Variants in C12orf76 observed in about 807,000 individuals in gnomAD.
C12orf76 encodes uncharacterized protein C12orf76.
C12orf76 carries 6 observed loss-of-function variants against 6.8 expected under a neutral mutation model. The ratio of observed to expected loss-of-function variants is 0.88; its 90% confidence interval spans 0.48 to 1.73. The LOEUF (loss-of-function observed/expected upper bound fraction) is 1.73. C12orf76 is among the 40% of genes most tolerant of loss of function. The probability of loss-of-function intolerance (pLI) is 0.01; values close to 1 mark genes in which losing one functional copy is unlikely to be tolerated. For synonymous variants in C12orf76, 56 were observed against 43.7 expected, an observed-to-expected ratio of 1.28 and a Z score of -1.11; for missense variants, 99 against 98.2, an observed-to-expected ratio of 1.01 and a Z score of -0.03.
At chr12:110,048,734 A>T, upstream of C12orf76, 1 of 1,120,324 alleles carries the variant, frequency 8.9e-7, no homozygotes, top group African/African-American at 1.6e-5. Context: ...GTCTGTGCCA[A>T]CGTTCGCCGC....
intron 2 of C12orf76, among the ~76,000 whole-genome samples, chr12:110,062,677 T>C (rs1892791901): frequency 6.6e-6 from 1 of 151,136 alleles, no homozygotes; most frequent in African/African-American, 2.4e-5. Flanking sequence ...TGGAGTCTAG[T>C]GGCATAAACA....
At chr12:110,046,249 A>G (rs1039325743) in intron 1 of C12orf76, among the ~76,000 whole-genome samples, 7 of 152,108 alleles carry the variant, frequency 4.6e-5, no homozygotes, top group Admixed American at 3.9e-4. Flanking sequence ...AACATGGTGA[A>G]ACCCCATCTC....
At chr12:110,071,468 T>A (rs1022739987), upstream of C12orf76, among the ~76,000 whole-genome samples, 1 of 152,092 alleles carries the variant, frequency 6.6e-6, no homozygotes, top group Non-Finnish European at 1.5e-5. Context: ...GTTATGGAGC[T>A]CTTATTCTAT....
intron 2 of C12orf76, among the ~76,000 whole-genome samples, chr12:110,063,490 A>G (rs994496429): frequency 8.6e-5 from 13 of 150,452 alleles, no homozygotes; most frequent in Non-Finnish European, 1.8e-4. Context: ...GGGTTTCACC[A>G]TGTTGGTCAG....
upstream of C12orf76, chr12:110,049,049 TA>T (rs2137221561): frequency 6.6e-6 from 1 of 152,410 alleles, no homozygotes; most frequent in Non-Finnish European, 1.5e-5. Context: ...CTTATACATT[TA>T]ACGTACATTT....
upstream of C12orf76, among the ~76,000 whole-genome samples, chr12:110,072,207 G>T (rs968483158): frequency 5.9e-5 from 9 of 151,382 alleles, no homozygotes; most frequent in African/African-American, 1.9e-4. Context: ...TGGGAGGATT[G>T]CATGAGTGCT....
upstream of C12orf76, among the ~76,000 whole-genome samples, chr12:110,068,270 AGAAGAAG>A (rs1406262530): frequency 7.9e-6 from 1 of 125,974 alleles, no homozygotes; most frequent in African/African-American, 3.1e-5. Context: ...AAGAAGAAGA[AGAAGAAG>A]AAGAAGAAGA....
At chr12:110,073,184 G>A (rs561848671) in intron 1 of C12orf76, among the ~76,000 whole-genome samples, 68 of 152,170 alleles carry the variant, frequency 4.5e-4, no homozygotes, top group Non-Finnish European at 6.0e-4. Context: ...CTCCCTGGCG[G>A]GCCTGGAGTA....
intron 3 of C12orf76, chr12:110,058,933 C>T: frequency 6.8e-7 from 1 of 1,474,022 alleles, no homozygotes. Context: ...CTTACTCCCC[C>T]CCACCAAAAA....
At chr12:110,054,178 T>C (rs1453453613), upstream of C12orf76, among the ~76,000 whole-genome samples, 1 of 152,050 alleles carries the variant, frequency 6.6e-6, no homozygotes, top group Non-Finnish European at 1.5e-5. The surrounding 1 kb of genome is among the most constrained non-coding windows in gnomAD (Gnocchi z 4.4). Flanking sequence ...AACCTAACAC[T>C]GAAAAAACAA....
upstream of C12orf76, among the ~76,000 whole-genome samples, chr12:110,070,312 C>A (rs527940272): frequency 6.6e-6 from 1 of 151,754 alleles, no homozygotes; most frequent in Non-Finnish European, 1.5e-5. Flanking sequence ...ACCTATAATC[C>A]CAGCACTTTG....
chr12:110,050,830 A>C, upstream of C12orf76: 82 of 509,446 alleles, frequency 1.6e-4, no homozygotes, highest in Non-Finnish European at 1.1e-4. Context: ...GACTTGCCCT[A>C]ATTCTTTCTT....
chr12:110,061,562 A>T (rs1230580336), intron 2 of C12orf76, among the ~76,000 whole-genome samples: 3 of 144,808 alleles, frequency 2.1e-5, no homozygotes, highest in Non-Finnish European at 4.5e-5. Context: ...CTTGAAACGG[A>T]GTCTTACTCT....
upstream of C12orf76, among the ~76,000 whole-genome samples, chr12:110,068,332 G>GAAGAAGAAGA (rs1566080359): frequency 1.8e-5 from 2 of 108,266 alleles, no homozygotes; most frequent in Non-Finnish European, 4.3e-5. Context: ...GAAGAAGAAG[G>GAAGAAGAAGA]CGGCCAAATA....
chr12:110,043,085 C>CA, intron 1 of C12orf76, among the ~76,000 whole-genome samples: 1 of 150,704 alleles, frequency 6.6e-6, no homozygotes, highest in Non-Finnish European at 1.5e-5. Flanking sequence ...AAAACAACAA[C>CA]AAAAAACTGA....
upstream of C12orf76, among the ~76,000 whole-genome samples, chr12:110,068,208 A>AAAGAAG (rs752882530): frequency 6.6e-6 from 1 of 150,982 alleles, no homozygotes; most frequent in East Asian, 2.0e-4. Context: ...CCGTCTCAAA[A>AAAGAAG]AAGAAGAAGA....
At chr12:110,066,100 G>A (rs777002931) in intron 1 of C12orf76, 1 of 1,424,472 alleles carries the variant, frequency 7.0e-7, no homozygotes, top group East Asian at 2.7e-5. Context: ...AGATGGTCAG[G>A]GGCAGGCCGG....
At chr12:110,051,904 C>CTTT (rs567991255), upstream of C12orf76, among the ~76,000 whole-genome samples, 421 of 100,692 alleles carry the variant, frequency 4.2e-3, 3 homozygotes, top group Middle Eastern at 8.8e-3. Flanking sequence ...GGCAGCTACT[C>CTTT]TTTTTTTTTT....
chr12:110,059,210 A>T, intron 2 of C12orf76: 1 of 1,517,338 alleles, frequency 6.6e-7, no homozygotes, highest in South Asian at 1.2e-5. Flanking sequence ...TTGTGTGTTG[A>T]TCTTGTTCCT....
Sources: gnomAD v4.1 joint callset for allele counts (sites outside exome capture counted in the v4.1 genomes callset) on GRCh38, gnomAD v4.1.1 for gene constraint, Gnocchi (gnomAD v3.1) non-coding constraint, MANE v1.5 for transcripts, NCBI Gene and HGNC (gene_info 2026-07-23, HGNC 2026-07-21) for gene names.